PRKAG2: variants seen among roughly 807,000 people sequenced by gnomAD.
The protein encoded by PRKAG2 is protein kinase AMP-activated non-catalytic subunit gamma 2, also known as 5'-AMP-activated protein kinase subunit gamma-2.
A neutral mutation model predicts 69.6 loss-of-function variants in PRKAG2; 26 were observed. That is an observed-to-expected ratio of 0.37 (90% CI 0.27 to 0.52). The LOEUF is 0.52. Among genes scored for constraint, PRKAG2 ranks in the 20% least tolerant of loss-of-function variants. The probability of loss-of-function intolerance (pLI) is 0.90; values close to 1 mark genes in which losing one functional copy is unlikely to be tolerated. For synonymous variants in PRKAG2, 293 were observed against 285.0 expected (o/e 1.03, Z -0.28); for missense variants, 557 against 740.0 (o/e 0.75, Z 2.87).
chr7:151,713,726 C>T (rs1386614163), intron 3 of PRKAG2, among the ~76,000 whole-genome samples: 2 of 151,904 alleles, frequency 1.3e-5, no homozygotes, highest in African/African-American at 2.4e-5. Flanking sequence ...ATTACAGGTG[C>T]AGGCCACCAC....
Position 151,781,412 on chromosome 7 carries a change from G to A in PRKAG2, c.206C>T (p.Pro69Leu), listed in dbSNP as rs182750960. Reference protein sequence around the residue: ...SSRKVDSPFGPGSPSKGFFSR... With the variant: ...SSRKVDSPFGLGSPSKGFFSR... ...GAAGAACCCTTTGGAGGGGCTGCCC[G>A]GGCCGAAGGGGCTGTCCACCTGCAG... The change falls in exon 3 of 16, where the codon CCG (proline) becomes CTG (leucine). Residue 69 changes from proline to leucine, a missense_variant. This residue lies in a region of PRKAG2 where 352 missense variants were observed against 356.7 expected (regional missense o/e 0.99). Transcript: ENST00000287878. This position sits in a 1 kb window ranked among gnomAD's most constrained non-coding sequence, Gnocchi z 6.1. 2.4e-5 allele frequency: 38 copies of A among 1,608,054 alleles called. 1 individual carries two copies. The highest frequency in any genetic ancestry group is 7.7e-5 in the South Asian group (7 of 90,588).
At chr7:151,594,507 C>A (rs763579963) in intron 6 of PRKAG2, among the ~76,000 whole-genome samples, 1 of 152,018 alleles carries the variant, frequency 6.6e-6, no homozygotes, top group African/African-American at 2.4e-5. Context: ...ATTTTAATAC[C>A]AAAATGTTAA....
intron 3 of PRKAG2, among the ~76,000 whole-genome samples, chr7:151,772,813 C>G (rs1209134032): frequency 1.3e-5 from 2 of 151,486 alleles, no homozygotes; most frequent in Non-Finnish European, 2.9e-5. Flanking sequence ...CACTGAGACC[C>G]AATTTCTACA....
At position 151,818,956 on chromosome 7, in the gene PRKAG2, A is replaced by G. The variant is rs185684222; in HGVS notation, c.115-32415T>C. 3.5e-3 allele frequency among the ~76,000 whole-genome samples: 539 copies of G among 152,312 alleles called. 3 individuals are homozygous for G. Among genetic ancestry groups the G allele is most frequent in the African/African-American group, 0.012 (507 of 41,570 alleles). The stretch of plus-strand genomic sequence containing the variant: ...CTGTGGTTGCTTCTGAAATATCCCA[A>G]TTGGGAACCAATGTGCCAAAGAGGG... On this transcript the variant is annotated intron_variant, in intron 1 of 15. Coordinates refer to ENST00000287878, the MANE Select transcript of PRKAG2 (RefSeq NM_016203.4).
chr7:151,793,063 C>T (rs1382545849), intron 1 of PRKAG2, among the ~76,000 whole-genome samples: 1 of 152,042 alleles, frequency 6.6e-6, no homozygotes, highest in East Asian at 1.9e-4. Flanking sequence ...GTGAAGATGC[C>T]TTGTAGCTCG....
chr7:151,711,722 C>T (rs1333420038), intron 3 of PRKAG2, among the ~76,000 whole-genome samples: 6 of 152,154 alleles, frequency 3.9e-5, no homozygotes, highest in Admixed American at 2.0e-4. Flanking sequence ...GTTGAAGGAA[C>T]GAGGAAGAGA....
intron 6 of PRKAG2, among the ~76,000 whole-genome samples, chr7:151,586,989 A>G (rs1208810267): frequency 6.6e-6 from 1 of 152,112 alleles, no homozygotes; most frequent in Admixed American, 6.5e-5. Context: ...GGTGAAACCA[A>G]GCCTTTACTA....
At chr7:151,816,184 A>T (rs1189502014) in intron 1 of PRKAG2, among the ~76,000 whole-genome samples, 3 of 152,310 alleles carry the variant, frequency 2.0e-5, no homozygotes, top group Admixed American at 6.5e-5. Flanking sequence ...CTTTCAGCCC[A>T]GGAGGGTACC....
chr7:151,726,668 A>G (rs1453656775), intron 3 of PRKAG2, among the ~76,000 whole-genome samples: 1 of 152,168 alleles, frequency 6.6e-6, no homozygotes, highest in Non-Finnish European at 1.5e-5. Context: ...GCACGGCTGC[A>G]TCTCACAAAG....
chr7:151,672,006 A>C (rs574327293), intron 4 of PRKAG2, among the ~76,000 whole-genome samples: 1 of 152,288 alleles, frequency 6.6e-6, no homozygotes, highest in East Asian at 1.9e-4. Flanking sequence ...AATATACATA[A>C]AAGTTACCAT....
At chr7:151,609,615 T>C (rs1330229264) in intron 5 of PRKAG2, among the ~76,000 whole-genome samples, 1 of 152,274 alleles carries the variant, frequency 6.6e-6, no homozygotes, top group East Asian at 1.9e-4. Flanking sequence ...TCCCCACTGA[T>C]ACTGGCAACA....
chr7:151,731,276 G>T (rs879722965), intron 3 of PRKAG2, among the ~76,000 whole-genome samples: 2 of 152,244 alleles, frequency 1.3e-5, no homozygotes, highest in Non-Finnish European at 2.9e-5. Context: ...CTGAAAGCTG[G>T]AGAGGTGGGG....
At chr7:151,782,862 G>A (rs2076791949) in intron 2 of PRKAG2, among the ~76,000 whole-genome samples, 1 of 152,224 alleles carries the variant, frequency 6.6e-6, no homozygotes, top group Admixed American at 6.5e-5. Context: ...AACACTGAGT[G>A]GAAAGGACCT....
At chr7:151,607,077 C>T (rs930126015) in intron 5 of PRKAG2, among the ~76,000 whole-genome samples, 1 of 152,162 alleles carries the variant, frequency 6.6e-6, no homozygotes, top group African/African-American at 2.4e-5. Context: ...GCCAACCCAA[C>T]ATTATTATGC....
chr7:151,855,320 C>CCACACACACCACCCT (rs1563757267), intron 1 of PRKAG2, among the ~76,000 whole-genome samples: 1 of 1,142 alleles, frequency 8.8e-4, no homozygotes. Context: ...ACACCACCCT[C>CCACACACACCACCCT]CCACACACCG....
intron 3 of PRKAG2, among the ~76,000 whole-genome samples, chr7:151,688,248 G>A (rs978608531): frequency 2.0e-5 from 3 of 152,174 alleles, no homozygotes; most frequent in African/African-American, 7.2e-5. Flanking sequence ...GCCCCCCCAG[G>A]TGGCCCATCC....
At position 151,814,347 on chromosome 7, in the gene PRKAG2, G is replaced by T; in HGVS notation, c.115-27806C>A. The T allele has an allele frequency of 9.1e-7, 1 of 1,102,224 alleles. No homozygotes were observed. Among genetic ancestry groups the T allele is most frequent in the Non-Finnish European group, 1.1e-6 (1 of 883,074 alleles). The allele number at this position is 1,102,224 out of a possible 1,614,324, so 68.3% of individuals were successfully genotyped here. On this transcript the variant is annotated intron_variant, in intron 1 of 15. Transcript: ENST00000287878. This position sits in a 1 kb window ranked among gnomAD's most constrained non-coding sequence, Gnocchi z 4.8. Reference sequence around the variant, plus strand: ...CAAGGAGACAAAGCATCGTGAGGGGGAAAACCGCACACCCAGGGACGCACA... The same window carrying T: ...CAAGGAGACAAAGCATCGTGAGGGGTAAAACCGCACACCCAGGGACGCACA...
chr7:151,656,865 G>A lies in PRKAG2; in HGVS notation c.684+18555C>T, dbSNP rs181270776. 5.9e-5 allele frequency among the ~76,000 whole-genome samples: 9 copies of A among 152,268 alleles called. No homozygotes were observed. The East Asian group carries it at 1.5e-3, about 26-fold the overall frequency. On this transcript the variant is annotated intron_variant, in intron 4 of 15. Coordinates refer to ENST00000287878, the MANE Select transcript of PRKAG2 (RefSeq NM_016203.4). ...TCAAAAGCATATTTAGGCCAGGCTC[G>A]GTGGCTCACGCCTGTAATTCCAGCA...
chr7:151,726,361 A>G (rs1267293633), intron 3 of PRKAG2, among the ~76,000 whole-genome samples: 1 of 142,404 alleles, frequency 7.0e-6, no homozygotes, highest in Non-Finnish European at 1.5e-5. Flanking sequence ...CAGAATCACC[A>G]GGGAGGCAGG....
Sources: allele counts gnomAD v4.1 joint callset (sites outside exome capture counted in the v4.1 genomes callset), GRCh38; gene constraint gnomAD v4.1.1; regional missense constraint gnomAD v4.1.1; non-coding constraint Gnocchi (gnomAD v3.1); transcripts MANE v1.5; gene names NCBI Gene and HGNC (gene_info 2026-07-23, HGNC 2026-07-21).